The following ODAD3 variants were observed in gnomAD, a reference collection of about 807,000 sequenced individuals.
ODAD3 encodes outer dynein arm docking complex subunit 3, also known as outer dynein arm-docking complex subunit 3.
A neutral mutation model predicts 70.9 loss-of-function variants in ODAD3; 57 were observed. That is an observed-to-expected ratio of 0.80 (90% CI 0.65 to 1.00). The LOEUF (loss-of-function observed/expected upper bound fraction) is 1.00. ODAD3 is among the 50% of genes least tolerant of loss of function. ODAD3 has a pLI of 0.00. For missense variants in ODAD3, 797 were observed against 763.9 expected (o/e 1.04, Z -0.51); for synonymous variants, 327 against 315.9 (o/e 1.04, Z -0.37).
chr19:11,426,506 A>C lies in ODAD3; in HGVS notation c.780T>G (p.His260Gln). 4 of 1,613,966 alleles carry C rather than the reference A, an allele frequency of 2.5e-6. No homozygotes were observed. Among genetic ancestry groups the C allele is most frequent in the Non-Finnish European group, 3.4e-6 (4 of 1,179,952 alleles). Residue 260 changes from histidine (H) to glutamine (Q), a missense_variant, in exon 6 of 13, where the codon CAT becomes CAG. By Grantham distance (24) the His-to-Gln change is conservative (BLOSUM62 0). Coordinates refer to ENST00000356392, the MANE Select transcript of ODAD3 (RefSeq NM_145045.5). ...SMEAEVVRTK[H>Q]ELEALHVVNQ... Reference sequence around the variant, plus strand: ...TCACCACGTGCAGTGCCTCCAGCTCATGTTTGGTCCTCACCACCTCAGCCT... The same window carrying C: ...TCACCACGTGCAGTGCCTCCAGCTCCTGTTTGGTCCTCACCACCTCAGCCT...
At chr19:11,433,332 G>C (rs1255472786) in intron 1 of ODAD3, among the ~76,000 whole-genome samples, 1 of 152,150 alleles carries the variant, frequency 6.6e-6, no homozygotes, top group African/African-American at 2.4e-5. Context: ...ATTTTTAGTA[G>C]AGACAGCGTT....
Position 11,426,750 on chromosome 19 carries a change from G to T in ODAD3, c.647C>A (p.Ala216Asp), listed in dbSNP as rs867623394. ...MRNLENRLEK[A>D]QMKAQEAEHI... ...CTCGGCCTCCTGCGCCTTCATCTGG[G>T]CCTTCTCCAGGCGGTTCTCCAGGTT... The change falls in exon 5 of 13, where the codon GCC becomes GAC. Residue 216 changes from alanine (A) to aspartate (D), a missense_variant. Transcript: ENST00000356392. The T allele has an allele frequency of 2.5e-6, 4 of 1,613,830 alleles. No individual in the cohort carries two copies. In the Admixed American group the frequency reaches 6.7e-5, roughly 27 times the overall value.
At chr19:11,425,291 G>A (rs978083465) in intron 7 of ODAD3, among the ~76,000 whole-genome samples, 1 of 136,478 alleles carries the variant, frequency 7.3e-6, no homozygotes, top group African/African-American at 3.2e-5. Flanking sequence ...ATGTACATAT[G>A]TGTATATATG....
Position 11,420,759 on chromosome 19 carries a change from G to A in ODAD3, c.*76C>T. 3 of 1,353,338 alleles carry A rather than the reference G, an allele frequency of 2.2e-6. No individual in the cohort carries two copies. Among genetic ancestry groups the A allele is most frequent in the Non-Finnish European group, 3.2e-6 (3 of 951,494 alleles). The allele number at this position is 1,353,338 out of a possible 1,614,324, so 83.8% of individuals were successfully genotyped here. On this transcript the variant is annotated 3_prime_UTR_variant, in exon 13 of 13. Coordinates refer to ENST00000356392, the MANE Select transcript of ODAD3 (RefSeq NM_145045.5). ...CGGGCCGCGTTCAGCCCCTGAAGGG[G>A]CCCCGTGGGGCCTGCGCTAGACCCG... is the stretch of plus-strand genomic sequence containing the variant.
intron 1 of ODAD3, among the ~76,000 whole-genome samples, chr19:11,431,730 C>T (rs1202822163): frequency 4.0e-5 from 6 of 149,654 alleles, no homozygotes; most frequent in Admixed American, 2.7e-4. Context: ...GTCAGGAGAT[C>T]GAGACCATCC....
chr19:11,424,323 G>A (rs566141123), intron 7 of ODAD3, among the ~76,000 whole-genome samples: 2 of 151,918 alleles, frequency 1.3e-5, no homozygotes, highest in Admixed American at 1.3e-4. Flanking sequence ...GGACAACACG[G>A]CGAGACCCCG....
chr19:11,435,574 G>A, upstream of ODAD3: 1 of 812,502 alleles, frequency 1.2e-6, no homozygotes, highest in South Asian at 1.4e-5. Flanking sequence ...GCGACCCTGA[G>A]TCTCCGTTCC....
At chr19:11,424,633 A>G (rs1179069129) in intron 7 of ODAD3, among the ~76,000 whole-genome samples, 3 of 115,288 alleles carry the variant, frequency 2.6e-5, no homozygotes. Flanking sequence ...GTATATATGT[A>G]TATATGTGTA....
chr19:11,425,412 TATATGTGTATATACAC>T (rs1248019388), intron 7 of ODAD3, among the ~76,000 whole-genome samples: 6 of 143,050 alleles, frequency 4.2e-5, no homozygotes, highest in African/African-American at 8.0e-5. Flanking sequence ...TATATATACA[TATATGTGTATATACAC>T]ATATGTGTAT....
chr19:11,427,032 C>T lies in ODAD3; in HGVS notation c.453G>A (p.Glu151=), dbSNP rs949839153. 4 of 1,583,194 alleles carry T rather than the reference C, an allele frequency of 2.5e-6. No homozygotes were observed. In the African/African-American group the frequency reaches 4.0e-5, roughly 16 times the overall value. The part of the protein sequence containing the change: ...YLKNRTGQAL[E]HLDHRLREKV... ...TCTCCCTCAGCCGGTGGTCTAGGTG[C>T]TCCAGGGCCTGCCGCAAGGAGGGGA... The change falls in exon 4 of 13, where the codon GAG becomes GAA. Residue 151 remains glutamate (E), a synonymous_variant. Coordinates refer to ENST00000356392, the MANE Select transcript of ODAD3 (RefSeq NM_145045.5).
intron 3 of ODAD3, among the ~76,000 whole-genome samples, chr19:11,430,365 C>T (rs1051092493): frequency 6.6e-5 from 10 of 151,792 alleles, no homozygotes; most frequent in Non-Finnish European, 1.5e-4. Context: ...CTTGAACTCC[C>T]GACTTCAGGT....
intron 8 of ODAD3, among the ~76,000 whole-genome samples, chr19:11,423,175 A>G (rs968808341): frequency 5.3e-5 from 8 of 152,178 alleles, no homozygotes; most frequent in Non-Finnish European, 1.0e-4. Context: ...CTGGCCGTGA[A>G]TCTCGCCCGA....
chr19:11,424,015 G>A lies in ODAD3; in HGVS notation c.978C>T (p.His326=). 1 of 1,609,960 alleles carries A rather than the reference G, an allele frequency of 6.2e-7. No individual in the cohort carries two copies. The highest frequency in any genetic ancestry group is 8.5e-7 in the Non-Finnish European group (1 of 1,179,738). Reference sequence around the variant, plus strand: ...TGGTGTCGTCGGACTGTAGCAGCAGGTGCTCGCGGTGGGTCTGCTCGTGGG... The same window carrying A: ...TGGTGTCGTCGGACTGTAGCAGCAGATGCTCGCGGTGGGTCTGCTCGTGGG... ...ERMERKTHRE[H]LLLQSDDTIQ... The change falls in exon 8 of 13, where the codon CAC becomes CAT. Residue 326 remains histidine, a synonymous_variant. Coordinates refer to ENST00000356392, the MANE Select transcript of ODAD3 (RefSeq NM_145045.5).
chr19:11,425,379 G>GTATA (rs1969314649), intron 7 of ODAD3, among the ~76,000 whole-genome samples: 4 of 124,306 alleles, frequency 3.2e-5, no homozygotes, highest in Admixed American at 3.2e-4. Flanking sequence ...GTATATATGT[G>GTATA]TGTATGTACA....
chr19:11,425,509 G>A (rs1363301002), intron 7 of ODAD3, among the ~76,000 whole-genome samples: 2 of 138,232 alleles, frequency 1.4e-5, no homozygotes, highest in South Asian at 2.1e-4. Flanking sequence ...GTATATATGT[G>A]TGTATATATG....
intron 1 of ODAD3, among the ~76,000 whole-genome samples, chr19:11,431,555 T>C (rs1199732066): frequency 2.0e-5 from 3 of 148,366 alleles, no homozygotes; most frequent in Non-Finnish European, 3.0e-5. Context: ...CTTTGGGAGG[T>C]AGAGGCGGGC....
At position 11,425,112 on chromosome 19, in the gene ODAD3, T is replaced by C. The variant is rs559939676; in HGVS notation, c.963+1032A>G. Among the ~76,000 whole-genome samples, 6 of 136,490 alleles carry C rather than the reference T, an allele frequency of 4.4e-5. No individual in the cohort carries two copies. In the South Asian group the frequency reaches 9.2e-4, roughly 21 times the overall value. The allele number at this position is 136,490 out of a possible 152,430, so 89.5% of individuals were successfully genotyped here. ...ACATATGTGTATATATGTATATATGTGTATATGTACATATGTGTATATGTG... is the reference window on the plus strand; with the variant it reads ...ACATATGTGTATATATGTATATATGCGTATATGTACATATGTGTATATGTG... On this transcript the variant is annotated intron_variant, in intron 7 of 12. Transcript: ENST00000356392.
intron 1 of ODAD3, chr19:11,431,311 A>G (rs1349392440): frequency 2.9e-6 from 1 of 343,910 alleles, no homozygotes; most frequent in African/African-American, 2.1e-5. Flanking sequence ...GGGTTTCTCC[A>G]TGTTGGTCAG....
At chr19:11,423,780 G>A (rs1250427289) in intron 8 of ODAD3, 97 bp downstream of exon 8, 1 of 1,284,712 alleles carries the variant, frequency 7.8e-7, no homozygotes, top group Non-Finnish European at 1.1e-6. Flanking sequence ...GGCAGAGAGG[G>A]GAGACAGGGT....
Sources: gnomAD v4.1 joint callset for allele counts (sites outside exome capture counted in the v4.1 genomes callset) on GRCh38, gnomAD v4.1.1 for gene constraint, MANE v1.5 for transcripts, NCBI Gene and HGNC (gene_info 2026-07-23, HGNC 2026-07-21) for gene names.